RYR2: variants seen among roughly 807,000 people sequenced by gnomAD.
RYR2 encodes the protein ryanodine receptor 2, also known as cardiac muscle ryanodine receptor-calcium release channel.
In RYR2, 227 loss-of-function variants were observed where a neutral mutation model predicts 601.1. That is an observed-to-expected ratio of 0.38 (90% CI 0.34 to 0.42). The LOEUF (loss-of-function observed/expected upper bound fraction) is 0.42, where lower values mean the gene tolerates loss of function less well. Among genes scored for constraint, RYR2 ranks in the 10% least tolerant of loss-of-function variants. The probability of loss-of-function intolerance (pLI) is 1.00; values close to 1 mark genes in which losing one functional copy is unlikely to be tolerated. For synonymous variants in RYR2, 2,223 were observed against 2,175.1 expected, an observed-to-expected ratio of 1.02 and a Z score of -0.61; for missense variants, 4,646 against 6,156.5, an observed-to-expected ratio of 0.75 and a Z score of 8.21.
chr1:237,670,213 G>A (rs1684793519), intron 58 of RYR2, among the ~76,000 whole-genome samples: 2 of 151,478 alleles, frequency 1.3e-5, no homozygotes, highest in Admixed American at 6.6e-5. Flanking sequence ...CAGGCAGGGA[G>A]GTTGCAGTGA....
chr1:237,677,109 A>G (rs896456356), intron 60 of RYR2, among the ~76,000 whole-genome samples: 1 of 152,152 alleles, frequency 6.6e-6, no homozygotes, highest in Non-Finnish European at 1.5e-5. Context: ...TATAAATTAT[A>G]TTGTATTTTT....
intron 53 of RYR2, among the ~76,000 whole-genome samples, chr1:237,657,472 G>C (rs1683363198): frequency 6.6e-6 from 1 of 151,802 alleles, no homozygotes; most frequent in African/African-American, 2.4e-5. Flanking sequence ...AAGGAGTCAA[G>C]ATTAAATATT....
chr1:237,727,716 T>C lies in RYR2; in HGVS notation c.10838+517T>C, dbSNP rs532406056. ...TGATAAATGTTAGTCATTATTATTATTTTTGTAATTATTAGCATTAGGGGA... is the reference window on the plus strand; with the variant it reads ...TGATAAATGTTAGTCATTATTATTACTTTTGTAATTATTAGCATTAGGGGA... On this transcript the variant is annotated intron_variant, in intron 76 of 104. Coordinates refer to ENST00000366574, the MANE Select transcript of RYR2 (RefSeq NM_001035.3). Among the ~76,000 whole-genome samples, 4 of 152,290 alleles carry C rather than the reference T, an allele frequency of 2.6e-5. No individual in the cohort carries two copies. The East Asian group carries it at 7.7e-4, about 29-fold the overall frequency.
At chr1:237,596,614 A>C (rs2990548) in intron 34 of RYR2, among the ~76,000 whole-genome samples, 53,603 of 152,138 alleles carry the variant, frequency 0.35, 11,310 homozygotes, top group Admixed American at 0.48. Flanking sequence ...AATGACTAAT[A>C]ACTTTCCACA....
chr1:237,262,616 A>G (rs769153078), intron 1 of RYR2, among the ~76,000 whole-genome samples: 2 of 152,222 alleles, frequency 1.3e-5, no homozygotes, highest in African/African-American at 4.8e-5. Flanking sequence ...TATTGACTGA[A>G]CATTTTCTAT....
intron 1 of RYR2, among the ~76,000 whole-genome samples, chr1:237,220,943 A>C (rs1683732049): frequency 6.6e-6 from 1 of 152,050 alleles, no homozygotes; most frequent in Non-Finnish European, 1.5e-5. Flanking sequence ...AGTAATAAAA[A>C]AATGTAGCTG....
At chr1:237,253,874 A>G (rs951626219) in intron 1 of RYR2, among the ~76,000 whole-genome samples, 11 of 152,338 alleles carry the variant, frequency 7.2e-5, no homozygotes, top group African/African-American at 2.4e-4. Flanking sequence ...TAATTAAAGA[A>G]TTATGTTTAT....
At position 237,050,092 on chromosome 1, in the gene RYR2, T is replaced by C. The variant is rs551043855; in HGVS notation, c.48+7523T>C. ...TTAGTGACGGAGTGTTCAGAGGACC[T>C]ACACGTAATTGCTTTCATGTTCGTT... is the stretch of plus-strand genomic sequence containing the variant. On this transcript the variant is annotated intron_variant, in intron 1 of 104. Coordinates refer to ENST00000366574, the MANE Select transcript of RYR2 (RefSeq NM_001035.3). 3.9e-5 allele frequency among the ~76,000 whole-genome samples: 6 copies of C among 152,158 alleles called. No homozygotes were observed. The South Asian group carries it at 1.2e-3, about 32-fold the overall frequency.
Position 237,515,753 on chromosome 1 carries a change from T to C in RYR2, c.2822+3962T>C, listed in dbSNP as rs1427391000. 2.5e-3 allele frequency among the ~76,000 whole-genome samples: 157 copies of C among 62,162 alleles called. 3 individuals are homozygous for C. Among genetic ancestry groups the C allele is most frequent in the East Asian group, 5.2e-3 (11 of 2,134 alleles). The allele number at this position is 62,162 out of a possible 152,430, so 40.8% of individuals were successfully genotyped here. A position where few individuals can be genotyped will look rare whatever the true frequency, so the allele number is the denominator to read the frequency against. On this transcript the variant is annotated intron_variant, in intron 24 of 104. Transcript: ENST00000366574. ...TCTTTCTCCTTCCCCTTCTTCCTCTTCTTCTCCTCCTCCTTCCTCTTCTCC... is the reference window on the plus strand; with the variant it reads ...TCTTTCTCCTTCCCCTTCTTCCTCTCCTTCTCCTCCTCCTTCCTCTTCTCC...
At chr1:237,220,820 T>C (rs1466547843) in intron 1 of RYR2, among the ~76,000 whole-genome samples, 1 of 152,174 alleles carries the variant, frequency 6.6e-6, no homozygotes, top group Non-Finnish European at 1.5e-5. Context: ...TGTCAAAGTC[T>C]ACCTGCCTCT....
chr1:237,662,034 T>C (rs2148851782), intron 56 of RYR2, among the ~76,000 whole-genome samples: 1 of 152,266 alleles, frequency 6.6e-6, no homozygotes, highest in South Asian at 2.1e-4. Context: ...ATATTGTTTA[T>C]TATTGCTATT....
chr1:237,532,353 C>G (rs992476934), intron 25 of RYR2, among the ~76,000 whole-genome samples: 1 of 152,000 alleles, frequency 6.6e-6, no homozygotes, highest in Non-Finnish European at 1.5e-5. Context: ...TTAAAAAGAT[C>G]ATTGAGTTAA....
chr1:237,217,109 G>A (rs1389169340), intron 1 of RYR2, among the ~76,000 whole-genome samples: 1 of 152,184 alleles, frequency 6.6e-6, no homozygotes, highest in Non-Finnish European at 1.5e-5. Flanking sequence ...CCAAGGAAGG[G>A]TGGCTTTTCT....
intron 68 of RYR2, among the ~76,000 whole-genome samples, chr1:237,707,672 G>T (rs952127813): frequency 6.6e-6 from 1 of 152,188 alleles, no homozygotes; most frequent in African/African-American, 2.4e-5. Flanking sequence ...TGCATTATTT[G>T]TATTGAAAAG....
Position 237,614,485 on chromosome 1 carries a change from T to A in RYR2, c.5357T>A (p.Ile1786Asn). ...YQYSPEFPLD[I>N]LKSKTIQMLT... is the part of the protein sequence containing the mutation. ...TACAGTCCAGAGTTCCCACTGGACA[T>A]CCTCAAGTCCAAAACCATACAGATG... Residue 1786 changes from isoleucine (I) to asparagine (N), a missense_variant, in exon 37 of 105, where the codon ATC becomes AAC. By Grantham distance (149) the Ile-to-Asn change is moderately radical (BLOSUM62 -3). Coordinates refer to ENST00000366574, the MANE Select transcript of RYR2 (RefSeq NM_001035.3). This position sits in a 1 kb window ranked among gnomAD's most constrained non-coding sequence, Gnocchi z 4.3. The A allele has an allele frequency of 6.2e-7, 1 of 1,614,042 alleles. No individual in the cohort carries two copies.
intron 1 of RYR2, among the ~76,000 whole-genome samples, chr1:237,222,412 C>CA (rs35919052): frequency 2.6e-3 from 357 of 136,698 alleles, no homozygotes; most frequent in Admixed American, 4.6e-3. Flanking sequence ...GACTCCATCT[C>CA]AAAAAAAAAA....
intron 27 of RYR2, among the ~76,000 whole-genome samples, chr1:237,565,465 A>G (rs1671967756): frequency 6.6e-6 from 1 of 151,916 alleles, no homozygotes; most frequent in Non-Finnish European, 1.5e-5. Context: ...ACAGGGTACC[A>G]CTATGTTGCC....
In RYR2 at chr1:237,322,721, T is replaced by G. The variant is rs1695740794; in HGVS notation, c.169-8157T>G. On this transcript the variant is annotated intron_variant, in intron 2 of 104. Coordinates refer to ENST00000366574, the MANE Select transcript of RYR2 (RefSeq NM_001035.3). ...ACAAGTATTTGTGACTAACAAATACTTAGCTCATACACTATTTTTGTCTTA... is the reference window on the plus strand; with the variant it reads ...ACAAGTATTTGTGACTAACAAATACGTAGCTCATACACTATTTTTGTCTTA... Among the ~76,000 whole-genome samples the G allele has an allele frequency of 4.6e-5, 7 of 152,114 alleles. No individual in the cohort carries two copies. The South Asian group carries it at 1.4e-3, about 31-fold the overall frequency.
rs555136318 is a variant in RYR2, at chr1:237,085,580, G to A, written c.48+43011G>A. On this transcript the variant is annotated intron_variant, in intron 1 of 104. Coordinates refer to ENST00000366574, the MANE Select transcript of RYR2 (RefSeq NM_001035.3). ...TTTAGAAGAGTGTAATTGGGTGCAC[G>A]TGTGTGTTTAATCTATTTGATTAGA... is the stretch of plus-strand genomic sequence containing the variant. Among the ~76,000 whole-genome samples the A allele has an allele frequency of 1.8e-4, 27 of 152,306 alleles. No individual in the cohort carries two copies. The South Asian group carries it at 3.1e-3, about 18-fold the overall frequency.
Sources: allele counts gnomAD v4.1 joint callset (sites outside exome capture counted in the v4.1 genomes callset), GRCh38; gene constraint gnomAD v4.1.1; non-coding constraint Gnocchi (gnomAD v3.1); transcripts MANE v1.5; gene names NCBI Gene and HGNC (gene_info 2026-07-23, HGNC 2026-07-21).